Variants in DPYD observed in about 807,000 individuals in gnomAD.
DPYD encodes the protein dihydropyrimidine dehydrogenase [NADP(+)].
A neutral mutation model predicts 116.2 loss-of-function variants in DPYD; 109 were observed. That is an observed-to-expected ratio of 0.94 (90% CI 0.80 to 1.10). The LOEUF is 1.10. Ranked by LOEUF, DPYD falls within the 50% of genes least tolerant of loss-of-function variation. DPYD has a pLI of 0.00. For synonymous variants in DPYD, 440 were observed against 432.0 expected (o/e 1.02, Z -0.23); for missense variants, 1,302 against 1,254.5 (o/e 1.04, Z -0.57).
chr1:97,333,517 A>ATTTTTTTTTTTTTT (rs778577478), intron 16 of DPYD, among the ~76,000 whole-genome samples: 4 of 97,068 alleles, frequency 4.1e-5, no homozygotes, highest in African/African-American at 1.3e-4. Context: ...AAGTCTTAGG[A>ATTTTTTTTTTTTTT]TTTTTTTTTT....
intron 20 of DPYD, among the ~76,000 whole-genome samples, chr1:97,132,191 G>T (rs574875202): frequency 5.9e-5 from 9 of 152,030 alleles, no homozygotes; most frequent in Non-Finnish European, 1.0e-4. Context: ...CATTCTTTAG[G>T]TCAGTCAGTC....
At chr1:97,273,850 A>G (rs1404623730) in intron 18 of DPYD, among the ~76,000 whole-genome samples, 1 of 152,192 alleles carries the variant, frequency 6.6e-6, no homozygotes, top group Non-Finnish European at 1.5e-5. Context: ...TTCTGAAACA[A>G]AATTATTTAG....
chr1:97,222,692 T>C (rs974291480), intron 19 of DPYD, among the ~76,000 whole-genome samples: 1 of 152,092 alleles, frequency 6.6e-6, no homozygotes, highest in Non-Finnish European at 1.5e-5. Flanking sequence ...TTATATATTA[T>C]TGTGAGAATA....
At chr1:97,785,931 GATCC>G (rs1250064691) in intron 3 of DPYD, among the ~76,000 whole-genome samples, 2 of 151,094 alleles carry the variant, frequency 1.3e-5, no homozygotes, top group Non-Finnish European at 3.0e-5. Flanking sequence ...CTGACCTCAT[GATCC>G]GCCTGCCTCG....
intron 1 of DPYD, among the ~76,000 whole-genome samples, chr1:97,906,364 C>A (rs140632501): frequency 9.2e-5 from 14 of 152,064 alleles, no homozygotes; most frequent in Non-Finnish European, 2.1e-4. Context: ...ACCATCATCC[C>A]CAAGTACTTA....
At position 97,452,058 on chromosome 1, in the gene DPYD, G is replaced by A. The variant is rs550930360; in HGVS notation, c.1741-1835C>T. ...TTGATGACCATTTTTTAATTCATTG[G>A]TCTGGAAACAGGTGCTTCCTGCTTA... On this transcript the variant is annotated intron_variant, in intron 13 of 22. Coordinates refer to ENST00000370192, the MANE Select transcript of DPYD (RefSeq NM_000110.4). Among the ~76,000 whole-genome samples the A allele has an allele frequency of 6.6e-5, 10 of 152,160 alleles. 1 individual carries two copies. Among genetic ancestry groups the A allele is most frequent in the African/African-American group, 2.2e-4 (9 of 41,530 alleles).
intron 3 of DPYD, among the ~76,000 whole-genome samples, chr1:97,802,241 G>A (rs1667880943): frequency 6.6e-6 from 1 of 151,798 alleles, no homozygotes; most frequent in South Asian, 2.1e-4. Flanking sequence ...ATTCTTTCAG[G>A]TTTTTAAAAC....
chr1:97,514,192 G>A, intron 13 of DPYD: 1 of 984,712 alleles, frequency 1.0e-6, no homozygotes, highest in Middle Eastern at 5.2e-4. Flanking sequence ...ATTTCTGCTG[G>A]TGATCCTAAT....
intron 8 of DPYD, among the ~76,000 whole-genome samples, chr1:97,666,618 A>G (rs1659576175): frequency 6.6e-6 from 1 of 152,188 alleles, no homozygotes; most frequent in Non-Finnish European, 1.5e-5. Flanking sequence ...AAAAAAAATA[A>G]CACAAGCATG....
rs182121720 is a variant in DPYD, at chr1:97,269,600, G to A, written c.2300-34606C>T. Among the ~76,000 whole-genome samples, 184 of 152,206 alleles carry A rather than the reference G, an allele frequency of 1.2e-3. 1 individual carries two copies. Among genetic ancestry groups the A allele is most frequent in the African/African-American group, 3.8e-3 (158 of 41,528 alleles). On this transcript the variant is annotated intron_variant, in intron 18 of 22. Coordinates refer to ENST00000370192, the MANE Select transcript of DPYD (RefSeq NM_000110.4). ...TTATAGTTCCAAAGGCTGGGAAGTC[G>A]GTGGTTGAGGTGCTGGCTGATTCAG...
intron 14 of DPYD, among the ~76,000 whole-genome samples, chr1:97,416,193 A>G (rs1366538281): frequency 6.6e-6 from 1 of 152,210 alleles, no homozygotes; most frequent in Non-Finnish European, 1.5e-5. Flanking sequence ...CTTTATAAAA[A>G]GGGCAATCTA....
intron 11 of DPYD, among the ~76,000 whole-genome samples, chr1:97,550,119 T>A (rs1240355308): frequency 6.6e-6 from 1 of 152,230 alleles, no homozygotes; most frequent in Non-Finnish European, 1.5e-5. Context: ...TTACTACTTA[T>A]ATTATCCCCA....
intron 20 of DPYD, among the ~76,000 whole-genome samples, chr1:97,133,998 CAAA>C (rs1208967697): frequency 0.03 from 518 of 17,192 alleles, 61 homozygotes; most frequent in South Asian, 0.049. Flanking sequence ...GACTCTGTTT[CAAA>C]AAAAAAAAAA....
intron 16 of DPYD, among the ~76,000 whole-genome samples, chr1:97,361,005 T>C (rs111377057): frequency 0.046 from 7,018 of 152,042 alleles, 221 homozygotes; most frequent in Middle Eastern, 0.11. Context: ...AAAAAATCAA[T>C]GAATCCAGGA....
At chr1:97,353,176 G>A (rs946734194) in intron 16 of DPYD, among the ~76,000 whole-genome samples, 4 of 152,176 alleles carry the variant, frequency 2.6e-5, no homozygotes, top group Non-Finnish European at 5.9e-5. Flanking sequence ...TGTTCCTCCA[G>A]TGCATTGTGT....
intron 3 of DPYD, among the ~76,000 whole-genome samples, chr1:97,769,547 T>G (rs146315767): frequency 4.6e-5 from 7 of 152,264 alleles, no homozygotes; most frequent in African/African-American, 1.7e-4. Flanking sequence ...CTCTAAACAT[T>G]TTCAAAGAGT....
At chr1:97,797,956 A>G (rs1667659368) in intron 3 of DPYD, 1 of 152,106 alleles carries the variant, frequency 6.6e-6, no homozygotes, top group African/African-American at 2.4e-5. Flanking sequence ...TTTATTTGGC[A>G]TATCATAGAT....
chr1:97,656,642 T>C (rs1279951445), intron 8 of DPYD, among the ~76,000 whole-genome samples: 4 of 152,110 alleles, frequency 2.6e-5, no homozygotes, highest in Non-Finnish European at 5.9e-5. Context: ...TCTGGGCTTA[T>C]GATTTTTGAC....
chr1:97,806,503 A>G (rs573573348), intron 3 of DPYD, among the ~76,000 whole-genome samples: 5 of 152,020 alleles, frequency 3.3e-5, no homozygotes, highest in Admixed American at 2.0e-4. Context: ...TAAAAATTGT[A>G]CATACTTCCT....
Sources: gnomAD v4.1 joint callset for allele counts (sites outside exome capture counted in the v4.1 genomes callset) on GRCh38, gnomAD v4.1.1 for gene constraint, MANE v1.5 for transcripts, NCBI Gene and HGNC (gene_info 2026-07-23, HGNC 2026-07-21) for gene names.